Variants in ATP6V0A2 observed in about 807,000 individuals in gnomAD.
The protein encoded by ATP6V0A2 is ATPase H+ transporting V0 subunit a2.
In ATP6V0A2, 58 loss-of-function variants were observed where a neutral mutation model predicts 104.4. The ratio of observed to expected loss-of-function variants is 0.56; its 90% CI spans 0.45 to 0.69. The LOEUF is 0.69. ATP6V0A2 is among the 30% of genes least tolerant of loss of function. The probability of loss-of-function intolerance (pLI) is 0.00; values close to 1 mark genes in which losing one functional copy is unlikely to be tolerated. For synonymous variants in ATP6V0A2, 376 were observed against 397.9 expected, an observed-to-expected ratio of 0.95 and a Z score of 0.65; for missense variants, 938 against 1,062.9, an observed-to-expected ratio of 0.88 and a Z score of 1.63.
intron 2 of ATP6V0A2, 99 bp downstream of exon 2, chr12:123,718,800 G>A: frequency 6.3e-6 from 5 of 799,422 alleles, no homozygotes; most frequent in Middle Eastern, 2.7e-4. Context: ...AAGCAGAAAG[G>A]AAAAAAAGAA....
Position 123,759,386 on chromosome 12 carries a change from A to T in ATP6V0A2, c.*1354A>T, listed in dbSNP as rs1956790497. ...TAATTTAAACTTTCAAACACTGTTTAGATCAGTTGAAAACTAATTCTTAAT... is the reference window on the plus strand; with the variant it reads ...TAATTTAAACTTTCAAACACTGTTTTGATCAGTTGAAAACTAATTCTTAAT... On this transcript the variant is annotated 3_prime_UTR_variant, in exon 20 of 20. Transcript: ENST00000330342. 1 of 152,254 alleles carries T rather than the reference A, an allele frequency of 6.6e-6. No homozygotes were observed. The highest frequency in any genetic ancestry group is 1.5e-5 in the Non-Finnish European group (1 of 68,044). 9.4% of individuals were successfully genotyped at this position (152,254 alleles called of 1,614,324 possible).
intron 16 of ATP6V0A2, 58 bp from the exon 17 acceptor site, chr12:123,752,225 G>A (rs1956722242): frequency 1.2e-6 from 2 of 1,609,762 alleles, no homozygotes; most frequent in Admixed American, 1.7e-5. Flanking sequence ...TACAAGTTTG[G>A]TTTTGTCACA....
chr12:123,724,614 C>A (rs187648843), intron 3 of ATP6V0A2, 40 bp from the exon 4 acceptor site: 13 of 1,606,390 alleles, frequency 8.1e-6, no homozygotes, highest in Non-Finnish European at 1.1e-5. Context: ...ACACTTGGAA[C>A]TAATTACTAC....
chr12:123,732,876 AG>A (rs1306512645), intron 6 of ATP6V0A2: 21 of 151,556 alleles, frequency 1.4e-4, no homozygotes, highest in African/African-American at 4.4e-4. Context: ...TTCCCCTCCC[AG>A]GTCAGGGATT....
intron 1 of ATP6V0A2, among the ~76,000 whole-genome samples, chr12:123,717,190 C>G (rs542726933): frequency 2.0e-5 from 3 of 151,730 alleles, no homozygotes; most frequent in Non-Finnish European, 4.4e-5. Flanking sequence ...TGGCACTTGG[C>G]TGTAATCCCA....
intron 6 of ATP6V0A2, chr12:123,733,401 G>A (rs1190762909): frequency 6.5e-6 from 1 of 152,974 alleles, no homozygotes; most frequent in Non-Finnish European, 1.5e-5. Flanking sequence ...CGGGAGTTGA[G>A]TCATTTACAT....
At chr12:123,753,264 G>A (rs1956733941) in intron 17 of ATP6V0A2, among the ~76,000 whole-genome samples, 1 of 151,852 alleles carries the variant, frequency 6.6e-6, no homozygotes, top group South Asian at 2.1e-4. Flanking sequence ...TGCTGCCTTA[G>A]TCCCCTTTAC....
chr12:123,722,359 G>A lies in ATP6V0A2; in HGVS notation c.205G>A (p.Val69Ile). The A allele has an allele frequency of 6.3e-7, 1 of 1,595,272 alleles. No individual in the cohort carries two copies. The highest frequency in any genetic ancestry group is 8.6e-7 in the Non-Finnish European group (1 of 1,162,866). The change falls in exon 3 of 20, where the codon GTA (valine) becomes ATA (isoleucine). Residue 69 changes from valine (V) to isoleucine (I), a missense_variant. Transcript: ENST00000330342. ...AACTTTTATTTTCACAGTGTATTTG[G>A]TACAGGAAATTAATAGAGCTGATAT... is the stretch of plus-strand genomic sequence containing the variant. ...EELERILVYL[V>I]QEINRADIPL...
rs139850656 is a variant in ATP6V0A2, at chr12:123,734,583, G to A, written c.731+575G>A. Among the ~76,000 whole-genome samples the A allele has an allele frequency of 2.9e-3, 439 of 152,300 alleles. 2 individuals are homozygous for A. The highest frequency in any genetic ancestry group is 0.01 in the African/African-American group (418 of 41,558). ...TGATCAGGTAAAAGACATCAGTTCG[G>A]CATAAGCCATCAGTAATTTTGAGTT... On this transcript the variant is annotated intron_variant, in intron 7 of 19. Coordinates refer to ENST00000330342, the MANE Select transcript of ATP6V0A2 (RefSeq NM_012463.4).
chr12:123,754,947 T>G (rs1238021964), intron 18 of ATP6V0A2, among the ~76,000 whole-genome samples: 1 of 152,222 alleles, frequency 6.6e-6, no homozygotes, highest in African/African-American at 2.4e-5. Context: ...AAGCAAGTCC[T>G]GCCACAGCAC....
At chr12:123,749,990 C>G (rs1224833909) in intron 15 of ATP6V0A2, 1 of 152,108 alleles carries the variant, frequency 6.6e-6, no homozygotes, top group East Asian at 1.9e-4. Context: ...TCTTTTTGAA[C>G]TTTTTGTTTC....
intron 1 of ATP6V0A2, among the ~76,000 whole-genome samples, chr12:123,716,648 G>A (rs1415813418): frequency 5.3e-5 from 8 of 152,000 alleles, no homozygotes; most frequent in Admixed American, 1.3e-4. Flanking sequence ...AAAATTAGCC[G>A]GGTGTGGTGG....
At position 123,758,320 on chromosome 12, in the gene ATP6V0A2, G is replaced by T; in HGVS notation, c.*288G>T. 1 of 256,344 alleles carries T rather than the reference G, an allele frequency of 3.9e-6. No individual in the cohort carries two copies. The highest frequency in any genetic ancestry group is 7.4e-6 in the Non-Finnish European group (1 of 134,866). The allele number at this position is 256,344 out of a possible 1,614,324, so 15.9% of individuals were successfully genotyped here. A position where few individuals can be genotyped will look rare whatever the true frequency, so the allele number is the denominator to read the frequency against. On this transcript the variant is annotated 3_prime_UTR_variant, in exon 20 of 20. Transcript: ENST00000330342. ...TCAAATACAGGATTTGGGGAGAGAA[G>T]CCAATTTTGCATGGCTAGTTGAAAA...
rs1255870343 is a variant in ATP6V0A2 at position 123,735,682 on chromosome 12, T to G, written c.825+58T>G. 10 of 1,326,098 alleles carry G rather than the reference T, an allele frequency of 7.5e-6. No individual in the cohort carries two copies. In the East Asian group the frequency reaches 2.1e-4, roughly 28 times the overall value. 82.1% of individuals were successfully genotyped at this position (1,326,098 alleles called of 1,614,324 possible). On this transcript the variant is annotated intron_variant, in intron 8 of 19. Transcript: ENST00000330342. ...CTGAGGGCTGCCAAACATTTACACG[T>G]ATATTTTCTCTCTTTTTTAACATAG...
intron 6 of ATP6V0A2, among the ~76,000 whole-genome samples, chr12:123,729,322 G>GTT (rs71308012): frequency 1.8e-5 from 2 of 113,886 alleles, no homozygotes; most frequent in African/African-American, 3.4e-5. Flanking sequence ...CAAGGAGGCT[G>GTT]TTTTTTTTTT....
chr12:123,719,086 T>C (rs1291139365), intron 2 of ATP6V0A2, among the ~76,000 whole-genome samples: 1 of 152,244 alleles, frequency 6.6e-6, no homozygotes, highest in Non-Finnish European at 1.5e-5. Context: ...TAGTTTATTA[T>C]AACTTAAAAA....
intron 6 of ATP6V0A2, among the ~76,000 whole-genome samples, chr12:123,728,903 G>A (rs1202366312): frequency 1.3e-5 from 2 of 151,994 alleles, no homozygotes; most frequent in Non-Finnish European, 2.9e-5. Context: ...TACTGGTCGT[G>A]GTCGCTCTGA....
Position 123,743,950 on chromosome 12 carries a change from T to G in ATP6V0A2, c.1189+15T>G. The G allele has an allele frequency of 1.2e-6, 2 of 1,614,154 alleles. No homozygotes were observed. Among genetic ancestry groups the G allele is most frequent in the Non-Finnish European group, 1.7e-6 (2 of 1,179,964 alleles). On this transcript the variant is annotated intron_variant, in intron 10 of 19. Transcript: ENST00000330342. ...AGTCAATCCAGGTTGGAAGTCTGAT[T>G]TGTAAATACCCGTATTTCCAATGGC... is the stretch of plus-strand genomic sequence containing the variant.
At chr12:123,722,472 G>C in intron 3 of ATP6V0A2, 24 bp downstream of exon 3, 4 of 1,419,320 alleles carry the variant, frequency 2.8e-6, no homozygotes, top group Middle Eastern at 1.8e-4. Flanking sequence ...GACGAAGCTG[G>C]TTGCAGCCAT....
Sources: gnomAD v4.1 joint callset for allele counts (sites outside exome capture counted in the v4.1 genomes callset) on GRCh38, gnomAD v4.1.1 for gene constraint, MANE v1.5 for transcripts, NCBI Gene and HGNC (gene_info 2026-07-23, HGNC 2026-07-21) for gene names.